The following ABI3BP variants were observed in gnomAD, a reference collection of about 807,000 sequenced individuals.
ABI3BP encodes the protein ABI family member 3 binding protein, also known as target of Nesh-SH3.
In ABI3BP, 216 loss-of-function variants were observed where a neutral mutation model predicts 268.6. The ratio of observed to expected loss-of-function variants is 0.80; its 90% CI spans 0.72 to 0.90. The LOEUF (loss-of-function observed/expected upper bound fraction) is 0.90. ABI3BP is among the 40% of genes least tolerant of loss of function. ABI3BP has a pLI of 0.00. For missense variants in ABI3BP, 2,090 were observed against 2,182.4 expected (o/e 0.96, Z 0.84); for synonymous variants, 730 against 730.0 (o/e 1.00, Z 0.00).
chr3:100,901,918 T>A (rs2050614363), intron 3 of ABI3BP, among the ~76,000 whole-genome samples: 1 of 152,222 alleles, frequency 6.6e-6, no homozygotes, highest in African/African-American at 2.4e-5. Context: ...GTTTTGGTAG[T>A]GAAATTAGAC....
chr3:100,960,172 A>G (rs964977581), intron 1 of ABI3BP, among the ~76,000 whole-genome samples: 2 of 152,200 alleles, frequency 1.3e-5, no homozygotes, highest in African/African-American at 4.8e-5. Context: ...ATAAAAAAGG[A>G]TAAGAATCAA....
At chr3:100,846,128 C>T (rs144227803) in intron 20 of ABI3BP, among the ~76,000 whole-genome samples, 4 of 152,224 alleles carry the variant, frequency 2.6e-5, no homozygotes, top group South Asian at 2.1e-4. Context: ...CAAGGGAGTT[C>T]GCAATCATTC....
intron 12 of ABI3BP, 74 bp downstream of exon 12, chr3:100,863,928 T>A: frequency 1.8e-6 from 2 of 1,126,378 alleles, no homozygotes; most frequent in Non-Finnish European, 2.6e-6. Context: ...GCGTAATTAA[T>A]TCAAAAGACT....
intron 1 of ABI3BP, among the ~76,000 whole-genome samples, chr3:100,932,019 T>C (rs1056325969): frequency 1.3e-5 from 2 of 151,712 alleles, no homozygotes; most frequent in Admixed American, 1.3e-4. Context: ...CATAGGCCAA[T>C]GTAACAGGTT....
chr3:100,771,243 T>A (rs2096536188), intron 61 of ABI3BP, among the ~76,000 whole-genome samples: 1 of 152,196 alleles, frequency 6.6e-6, no homozygotes, highest in Non-Finnish European at 1.5e-5. Flanking sequence ...GCACTGGGTC[T>A]TACCCTCAGT....
intron 62 of ABI3BP, among the ~76,000 whole-genome samples, chr3:100,769,599 T>C (rs1174986543): frequency 6.6e-6 from 1 of 152,246 alleles, no homozygotes; most frequent in Non-Finnish European, 1.5e-5. Context: ...TCATGAGAAC[T>C]AAGCCTCAGA....
At chr3:100,865,202 G>A (rs778458650) in intron 10 of ABI3BP, among the ~76,000 whole-genome samples, 2 of 151,912 alleles carry the variant, frequency 1.3e-5, no homozygotes, top group Non-Finnish European at 2.9e-5. Context: ...TTATCACCAG[G>A]GCTTAGCACA....
chr3:100,765,606 T>G (rs557902807), intron 63 of ABI3BP, among the ~76,000 whole-genome samples: 1 of 152,220 alleles, frequency 6.6e-6, no homozygotes, highest in African/African-American at 2.4e-5. Context: ...TTTTTAAAGA[T>G]GTAATACTGT....
chr3:100,874,648 T>C (rs780037712), intron 9 of ABI3BP, among the ~76,000 whole-genome samples, 193 bp downstream of exon 9: 3 of 152,204 alleles, frequency 2.0e-5, no homozygotes, highest in Non-Finnish European at 2.9e-5. Context: ...TATAAATATG[T>C]ACATATAAAA....
chr3:100,861,549 T>C (rs559940584), intron 14 of ABI3BP, among the ~76,000 whole-genome samples: 2 of 152,342 alleles, frequency 1.3e-5, no homozygotes, highest in East Asian at 3.9e-4. Flanking sequence ...TTCTGAGGTC[T>C]TCTTATAATT....
intron 60 of ABI3BP, among the ~76,000 whole-genome samples, chr3:100,774,967 G>C (rs7616654): frequency 0.016 from 2,496 of 152,254 alleles, 71 homozygotes; most frequent in African/African-American, 0.057. Flanking sequence ...GCATTAGGTA[G>C]TCTAGATCTT....
intron 34 of ABI3BP, among the ~76,000 whole-genome samples, chr3:100,826,444 C>A (rs2098386429): frequency 6.6e-6 from 1 of 152,102 alleles, no homozygotes; most frequent in Non-Finnish European, 1.5e-5. Flanking sequence ...ATGAGGCAAA[C>A]AATTCCTGTA....
intron 18 of ABI3BP, among the ~76,000 whole-genome samples, chr3:100,848,376 C>T (rs1219714284): frequency 6.6e-6 from 1 of 152,092 alleles, no homozygotes; most frequent in African/African-American, 2.4e-5. Flanking sequence ...TTCAGTAAAC[C>T]CCTTTTGGAC....
chr3:100,835,017 T>C (rs935140717), intron 28 of ABI3BP, among the ~76,000 whole-genome samples: 1 of 152,128 alleles, frequency 6.6e-6, no homozygotes, highest in African/African-American at 2.4e-5. Flanking sequence ...TAGTTGCTGG[T>C]ATAGGATTTT....
chr3:100,770,672 G>C, intron 62 of ABI3BP, 71 bp downstream of exon 62: 1 of 1,360,122 alleles, frequency 7.4e-7, no homozygotes, highest in Non-Finnish European at 9.6e-7. Flanking sequence ...CGTTGACCCA[G>C]GGTACCCCAC....
At chr3:100,930,938 C>T (rs1348621881) in intron 1 of ABI3BP, 1 of 152,032 alleles carries the variant, frequency 6.6e-6, no homozygotes, top group Non-Finnish European at 1.5e-5. Context: ...ATGCAGAAAT[C>T]CTCAACAAAA....
intron 42 of ABI3BP, among the ~76,000 whole-genome samples, chr3:100,816,987 A>C (rs2098071722): frequency 6.6e-6 from 1 of 152,206 alleles, no homozygotes; most frequent in South Asian, 2.1e-4. Flanking sequence ...ATACATCTTT[A>C]ACTTCAGAAA....
At position 100,886,171 on chromosome 3, in the gene ABI3BP, T is replaced by C. The variant is rs757159387; in HGVS notation, c.614A>G (p.Lys205Arg). 2 of 1,600,562 alleles carry C rather than the reference T, an allele frequency of 1.2e-6. No homozygotes were observed. The highest frequency in any genetic ancestry group is 1.7e-6 in the Non-Finnish European group (2 of 1,174,000). The change falls in exon 5 of 68, where the codon AAG becomes AGG. Residue 205 changes from lysine to arginine, a missense_variant. Transcript: ENST00000471714. ...AACAACAGTCTTGTGATTGAAAATC[T>C]TACTCCAAATTCCACCTTCCACATT... ...KDNVEGGIWSKIFNHKTVVGS... is the reference protein window; with the variant it reads ...KDNVEGGIWSRIFNHKTVVGS...
At position 100,914,621 on chromosome 3, in the gene ABI3BP, G is replaced by A. The variant is rs1167885838; in HGVS notation, c.259+11681C>T. Among the ~76,000 whole-genome samples, 11 of 152,312 alleles carry A rather than the reference G, an allele frequency of 7.2e-5. No homozygotes were observed. In the East Asian group the frequency reaches 1.9e-3, roughly 27 times the overall value. ...CAGCAGTGAGAAGCAGCCCCTCATT[G>A]GCCCGCTATAGAGAGTGAGTGGAGC... On this transcript the variant is annotated intron_variant, in intron 2 of 67. Transcript: ENST00000471714.
Sources: allele counts gnomAD v4.1 joint callset (sites outside exome capture counted in the v4.1 genomes callset), GRCh38; gene constraint gnomAD v4.1.1; transcripts MANE v1.5; gene names NCBI Gene and HGNC (gene_info 2026-07-23, HGNC 2026-07-21).